Variants in CHEK2 observed in about 807,000 individuals in gnomAD.
CHEK2 encodes the protein checkpoint kinase 2, also known as serine/threonine-protein kinase Chk2.
A neutral mutation model predicts 69.1 loss-of-function variants in CHEK2; 71 were observed. The ratio of observed to expected loss-of-function variants is 1.03; its 90% CI spans 0.85 to 1.25. The LOEUF (loss-of-function observed/expected upper bound fraction) is 1.25, where lower values mean the gene tolerates loss of function less well. Ranked by LOEUF, CHEK2 falls within the 50% of genes most tolerant of loss-of-function variation. The pLI, the probability that CHEK2 is intolerant of heterozygous loss-of-function variation, is 0.00. For synonymous variants in CHEK2, 189 were observed against 226.9 expected, an observed-to-expected ratio of 0.83 and a Z score of 1.50; for missense variants, 664 against 649.6, an observed-to-expected ratio of 1.02 and a Z score of -0.24.
rs752493299 is a variant in CHEK2, at chr22:28,711,911, C to T, written c.790G>A (p.Ala264Thr). Residue 264 changes from alanine (A) to threonine (T), a missense_variant and splice_region_variant, in exon 6 of 15, where the codon GCA (alanine) becomes ACA (threonine). Coordinates refer to ENST00000404276, the MANE Select transcript of CHEK2 (RefSeq NM_007194.4). ...ATCAGCCTTTTATTGGTACTTACTGCCTCTCTTGCTGAACCAATAGCAAAC... is the reference window on the plus strand; with the variant it reads ...ATCAGCCTTTTATTGGTACTTACTGTCTCTCTTGCTGAACCAATAGCAAAC... ...RKFAIGSARE[A>T]DPALNVETEI... 6.2e-7 allele frequency: 1 copy of T among 1,600,986 alleles called. No homozygotes were observed. The highest frequency in any genetic ancestry group is 1.1e-5 in the South Asian group (1 of 90,828).
chr22:28,739,645 C>T (rs1336325349), intron 1 of CHEK2, among the ~76,000 whole-genome samples: 1 of 151,916 alleles, frequency 6.6e-6, no homozygotes, highest in African/African-American at 2.4e-5. Flanking sequence ...GCCAAAATCG[C>T]GCCACTGCAT....
chr22:28,688,927 G>A lies in CHEK2; in HGVS notation c.1542+208C>T, dbSNP rs200110854. ...ATGACAATCCCTAGCTGTGCTTATC[G>A]GTCTATTATGTGTTAGATATTAAAC... On this transcript the variant is annotated intron_variant, in intron 14 of 14. Coordinates refer to ENST00000404276, the MANE Select transcript of CHEK2 (RefSeq NM_007194.4). Among the ~76,000 whole-genome samples the A allele has an allele frequency of 7.9e-5, 12 of 151,986 alleles. No homozygotes were observed. Among genetic ancestry groups the A allele is most frequent in the South Asian group, 4.1e-4 (2 of 4,824 alleles).
chr22:28,734,365 C>G (rs1288870809), intron 2 of CHEK2, 38 bp downstream of exon 2: 2 of 1,581,246 alleles, frequency 1.3e-6, no homozygotes, highest in Non-Finnish European at 1.7e-6. Flanking sequence ...AAGTGTTTTT[C>G]TGAACAAAAC....
At chr22:28,700,834 G>T (rs1003172962) in intron 8 of CHEK2, among the ~76,000 whole-genome samples, 4 of 152,050 alleles carry the variant, frequency 2.6e-5, no homozygotes, top group African/African-American at 9.7e-5. Context: ...TTATTGCCCA[G>T]GCTGGAATGC....
In CHEK2 at chr22:28,703,506, A is replaced by G. The variant is rs752359705; in HGVS notation, c.907T>C (p.Leu303=). The G allele has an allele frequency of 4.6e-5, 66 of 1,430,628 alleles. 3 individuals carry two copies. The South Asian group carries it at 7.7e-4, about 17-fold the overall frequency. 88.6% of individuals were successfully genotyped at this position (1,430,628 alleles called of 1,614,324 possible). A position where few individuals can be genotyped will look rare whatever the true frequency, so the allele number is the denominator to read the frequency against. Residue 303 remains leucine (L), a splice_region_variant and synonymous_variant, in exon 8 of 15, where the codon TTG becomes CTG. Coordinates refer to ENST00000404276, the MANE Select transcript of CHEK2 (RefSeq NM_007194.4). ...ATTTTTAAAAAGTTTACTACTTACA[A>G]TTCCAAAACAATATAATAATCTTCT... ...DAEDYYIVLE[L]MEGGELFDKV...
At chr22:28,697,649 A>G (rs926220226) in intron 9 of CHEK2, among the ~76,000 whole-genome samples, 3 of 151,518 alleles carry the variant, frequency 2.0e-5, no homozygotes, top group African/African-American at 7.3e-5. Flanking sequence ...AGCTCACTAC[A>G]GCCTCAACCT....
At chr22:28,734,328 C>T (rs2054306282) in intron 2 of CHEK2, 75 bp downstream of exon 2, 2 of 1,454,696 alleles carry the variant, frequency 1.4e-6, no homozygotes, top group South Asian at 1.2e-5. Flanking sequence ...CAATCAGAAC[C>T]TTCCACCTGG....
chr22:28,702,310 C>G (rs1367564965), intron 8 of CHEK2, among the ~76,000 whole-genome samples: 1 of 151,476 alleles, frequency 6.6e-6, no homozygotes, highest in Non-Finnish European at 1.5e-5. Context: ...GCGATCTCAG[C>G]TCATTGCAAG....
At chr22:28,692,471 T>TTTTGTTTGTTTG (rs35397484) in intron 13 of CHEK2, among the ~76,000 whole-genome samples, 2,276 of 150,674 alleles carry the variant, frequency 0.015, 80 homozygotes, top group African/African-American at 0.053. Flanking sequence ...ATATGTCTTT[T>TTTTGTTTGTTTG]TTTGTTTGTT....
At chr22:28,721,355 T>C (rs1366378416) in intron 4 of CHEK2, among the ~76,000 whole-genome samples, 4 of 149,640 alleles carry the variant, frequency 2.7e-5, no homozygotes, top group African/African-American at 9.9e-5. Flanking sequence ...GGTGCAATCT[T>C]GGCTCACTGC....
At chr22:28,704,181 T>C (rs2053014935) in intron 7 of CHEK2, among the ~76,000 whole-genome samples, 1 of 150,712 alleles carries the variant, frequency 6.6e-6, no homozygotes, top group African/African-American at 2.4e-5. Context: ...TGATAGTTCA[T>C]GACCACTGAT....
chr22:28,711,715 C>T (rs1470780809), intron 6 of CHEK2, among the ~76,000 whole-genome samples, 194 bp downstream of exon 6: 2 of 151,770 alleles, frequency 1.3e-5, no homozygotes, highest in Non-Finnish European at 2.9e-5. Context: ...ACTTTTGGAA[C>T]CAAATTATCT....
chr22:28,727,344 C>T (rs532826784), intron 2 of CHEK2, among the ~76,000 whole-genome samples: 7 of 152,210 alleles, frequency 4.6e-5, no homozygotes, highest in Admixed American at 3.3e-4. Flanking sequence ...CCCGGCCTCC[C>T]GCTCAGCTTG....
chr22:28,690,838 C>T (rs1446304713), intron 13 of CHEK2, among the ~76,000 whole-genome samples: 17 of 105,374 alleles, frequency 1.6e-4, no homozygotes, highest in African/African-American at 5.9e-4. Flanking sequence ...GGAGGGGGGA[C>T]GAAAGAAGGG....
At chr22:28,699,190 TGGGGG>T (rs2052716174) in intron 9 of CHEK2, among the ~76,000 whole-genome samples, 1 of 151,884 alleles carries the variant, frequency 6.6e-6, no homozygotes, top group African/African-American at 2.4e-5. Context: ...TTTGTAGAGA[TGGGGG>T]TCCCATTATA....
rs876658150 is a variant in CHEK2 at position 28,703,562 on chromosome 22, C to T, written c.851G>A (p.Cys284Tyr). The change falls in exon 8 of 15, where the codon TGC becomes TAC. Residue 284 changes from cysteine (C) to tyrosine (Y), a missense_variant. Cys to Tyr is a radical substitution (Grantham distance 194). Transcript: ENST00000404276. ...IEILKKLNHP[C>Y]IIKIKNFFDA... ...AAAAAAGTTTTTAATCTTGATGATG[C>T]AAGGCTAAGAAGAGGGGGAGAAAAA... is the stretch of plus-strand genomic sequence containing the variant. 2 of 1,559,112 alleles carry T rather than the reference C, an allele frequency of 1.3e-6. No individual in the cohort carries two copies. Among genetic ancestry groups the T allele is most frequent in the African/African-American group, 2.7e-5 (2 of 73,888 alleles).
At chr22:28,716,267 G>T (rs2053585244) in intron 5 of CHEK2, among the ~76,000 whole-genome samples, 1 of 149,920 alleles carries the variant, frequency 6.7e-6, no homozygotes, top group Non-Finnish European at 1.5e-5. Flanking sequence ...CGTGATCTCA[G>T]CTCACTACAA....
intron 4 of CHEK2, 111 bp downstream of exon 4, chr22:28,724,866 A>T (rs2146053364): frequency 8.5e-7 from 1 of 1,178,524 alleles, no homozygotes; most frequent in Middle Eastern, 2.3e-4. Context: ...ACGCCCAGCA[A>T]CTTACTCATC....
chr22:28,720,206 T>C (rs187613047), intron 4 of CHEK2, among the ~76,000 whole-genome samples: 164 of 150,982 alleles, frequency 1.1e-3, no homozygotes, highest in African/African-American at 3.9e-3. Flanking sequence ...TTTTTGTGCC[T>C]CAGCCTCCTG....
Sources: gnomAD v4.1 joint callset for allele counts (sites outside exome capture counted in the v4.1 genomes callset) on GRCh38, gnomAD v4.1.1 for gene constraint, MANE v1.5 for transcripts, NCBI Gene and HGNC (gene_info 2026-07-23, HGNC 2026-07-21) for gene names.